The following ANO8 variants were observed in gnomAD, a reference collection of about 807,000 sequenced individuals.
ANO8 encodes anoctamin 8, also known as anoctamin-8.
A neutral mutation model predicts 120.4 loss-of-function variants in ANO8; 67 were observed. The ratio of observed to expected loss-of-function variants is 0.56; its 90% CI spans 0.46 to 0.68. The LOEUF (loss-of-function observed/expected upper bound fraction) is 0.68, where lower values mean the gene tolerates loss of function less well. ANO8 is among the 30% of genes least tolerant of loss of function. ANO8 has a pLI of 0.00. For synonymous variants in ANO8, 727 were observed against 759.2 expected (o/e 0.96, Z 0.70); for missense variants, 1,526 against 1,737.6 (o/e 0.88, Z 2.16).
At chr19:17,329,004 G>C in intron 12 of ANO8, 21 bp from the exon 13 acceptor site, 1 of 1,451,956 alleles carries the variant, frequency 6.9e-7, no homozygotes. Flanking sequence ...GAAGGGGAAG[G>C]AGAGAGGCGC....
chr19:17,327,193 G>T, intron 16 of ANO8, 42 bp downstream of exon 16: 1 of 1,460,698 alleles, frequency 6.8e-7, no homozygotes, highest in Non-Finnish European at 9.3e-7. Flanking sequence ...TCCACCAGCA[G>T]CCCCACCAAT....
chr19:17,330,605 C>G, intron 8 of ANO8, 101 bp from the exon 9 acceptor site: 1 of 1,424,984 alleles, frequency 7.0e-7, no homozygotes, highest in Admixed American at 2.8e-5. Flanking sequence ...CTCCATCATG[C>G]GGAGGTGACC....
chr19:17,329,732 A>G, intron 12 of ANO8, 25 bp downstream of exon 12: 1 of 1,596,926 alleles, frequency 6.3e-7, no homozygotes, highest in East Asian at 2.3e-5. Context: ...GGCAGGGGGG[A>G]CTGCCGCTGG....
At position 17,333,621 on chromosome 19, in the gene ANO8, GT is replaced by G; in HGVS notation, c.217+68del. On this transcript the variant is annotated intron_variant, in intron 2 of 17. Transcript: ENST00000159087. The surrounding 1 kb of genome is among the most constrained non-coding windows in gnomAD (Gnocchi z 7.2). Reference sequence around the variant, plus strand: ...GGCCCAAGGCCTCCTACGTATTCCCGTTCTGGGAAGCCGAGCTCAGGAGAGC... The same window carrying G: ...GGCCCAAGGCCTCCTACGTATTCCCGTCTGGGAAGCCGAGCTCAGGAGAGC... The G allele has an allele frequency of 6.3e-7, 1 of 1,575,732 alleles. No individual in the cohort carries two copies. Among genetic ancestry groups the G allele is most frequent in the Non-Finnish European group, 8.6e-7 (1 of 1,163,424 alleles).
chr19:17,334,746 C>G lies in ANO8; in HGVS notation c.-76G>C. 1 of 1,258,558 alleles carries G rather than the reference C, an allele frequency of 7.9e-7. No individual in the cohort carries two copies. The highest frequency in any genetic ancestry group is 1.0e-6 in the Non-Finnish European group (1 of 970,232). The allele number at this position is 1,258,558 out of a possible 1,614,324, so 78.0% of individuals were successfully genotyped here. A position where few individuals can be genotyped will look rare whatever the true frequency, so the allele number is the denominator to read the frequency against. Reference sequence around the variant, plus strand: ...CCGCGGGCTCATGGGGCCGGTGCAGCCGCGGAGCGCGCGGGAGGAGGAGAC... The same window carrying G: ...CCGCGGGCTCATGGGGCCGGTGCAGGCGCGGAGCGCGCGGGAGGAGGAGAC... On this transcript the variant is annotated 5_prime_UTR_variant, in exon 1 of 18. Coordinates refer to ENST00000159087, the MANE Select transcript of ANO8 (RefSeq NM_020959.3).
In ANO8 at chr19:17,327,246, C is replaced by G. The variant is rs2074278441; in HGVS notation, c.2650G>C (p.Glu884Gln). The part of the protein sequence containing the change: ...EMAKLEYQRR[E>Q]AFKRHERQAQ... ...CCTGGCCCCCCTACCTTAAAGGCCTCGCGGCGCTGGTACTCCAGCTTGGCC... is the reference window on the plus strand; with the variant it reads ...CCTGGCCCCCCTACCTTAAAGGCCTGGCGGCGCTGGTACTCCAGCTTGGCC... Residue 884 changes from glutamate (E) to glutamine (Q), a missense_variant, in exon 16 of 18, where the codon GAG becomes CAG. By Grantham distance (29) the Glu-to-Gln change is conservative (BLOSUM62 2). Around this residue, in one of 8 missense-constraint regions of ANO8, gnomAD observed 489 missense variants for 548.6 expected, o/e 0.89. Coordinates refer to ENST00000159087, the MANE Select transcript of ANO8 (RefSeq NM_020959.3). 1 of 1,544,542 alleles carries G rather than the reference C, an allele frequency of 6.5e-7. No homozygotes were observed.
chr19:17,330,543 A>G lies in ANO8; in HGVS notation c.994-39T>C. On this transcript the variant is annotated intron_variant, in intron 8 of 17. Coordinates refer to ENST00000159087, the MANE Select transcript of ANO8 (RefSeq NM_020959.3). ...AAGACCGGGCCCAGCATGAGCTCAG[A>G]GGGGCCACCTCTGCCTTCTGCACCC... The G allele has an allele frequency of 2.0e-6, 3 of 1,478,176 alleles. No individual in the cohort carries two copies. The South Asian group carries it at 4.1e-5, about 20-fold the overall frequency. 91.6% of individuals were successfully genotyped at this position (1,478,176 alleles called of 1,614,324 possible). A position where few individuals can be genotyped will look rare whatever the true frequency, so the allele number is the denominator to read the frequency against.
intron 1 of ANO8, 129 bp downstream of exon 1, chr19:17,334,436 C>A: frequency 1.2e-6 from 1 of 861,714 alleles, no homozygotes; most frequent in Non-Finnish European, 1.7e-6. Context: ...GCCGCAGTGC[C>A]GGGAGGAGCC....
intron 12 of ANO8, 110 bp from the exon 13 acceptor site, chr19:17,329,093 C>T (rs1275785410): frequency 4.7e-6 from 4 of 854,600 alleles, no homozygotes; most frequent in African/African-American, 3.6e-5. Context: ...CCCAGACACA[C>T]GCCGAATCCG....
chr19:17,327,525 G>A lies in ANO8; in HGVS notation c.2463C>T (p.Cys821=). 6.2e-7 allele frequency: 1 copy of A among 1,613,460 alleles called. No homozygotes were observed. Among genetic ancestry groups the A allele is most frequent in the African/African-American group, 1.3e-5 (1 of 75,048 alleles). The change falls in exon 15 of 18, where the codon TGC becomes TGT. Residue 821 remains cysteine, a synonymous_variant. Transcript: ENST00000159087. ...AMGVLAIVVN[C]YLIGQCGQLQ... ...GCTGCCCGCACTGGCCGATTAAGTA[G>A]CAGTTGACCACAATCGCTAGGACAC...
At position 17,327,841 on chromosome 19, in the gene ANO8, C is replaced by A. The variant is rs2074283376; in HGVS notation, c.2266G>T (p.Gly756Cys). ...GCGGACGAGAAGAGCACAACGTAGCCGAACTGCACGAACATCTCCTGGTAG... is the reference window on the plus strand; with the variant it reads ...GCGGACGAGAAGAGCACAACGTAGCAGAACTGCACGAACATCTCCTGGTAG... ...QDYQEMFVQF[G>C]YVVLFSSAFP... is the part of the protein sequence containing the mutation. Residue 756 changes from glycine (G) to cysteine (C), a missense_variant, in exon 14 of 18, where the codon GGC becomes TGC. Physicochemically the swap from Gly to Cys is radical, Grantham distance 159. This residue lies in a region of ANO8 where 77 missense variants were observed against 131.5 expected (regional missense o/e 0.59). Transcript: ENST00000159087. The A allele has an allele frequency of 1.9e-6, 3 of 1,614,054 alleles. No homozygotes were observed. The highest frequency in any genetic ancestry group is 2.5e-6 in the Non-Finnish European group (3 of 1,179,996).
At chr19:17,329,869 C>T in intron 11 of ANO8, 38 bp from the exon 12 acceptor site, 1 of 1,613,490 alleles carries the variant, frequency 6.2e-7, no homozygotes, top group South Asian at 1.1e-5. Flanking sequence ...TCCTGCACCC[C>T]CACCCGACTC....
rs377317921 is a variant in ANO8 at position 17,329,827 on chromosome 19, T to A, written c.1334A>T (p.Gln445Leu). The A allele has an allele frequency of 6.2e-7, 1 of 1,613,834 alleles. No homozygotes were observed. Among genetic ancestry groups the A allele is most frequent in the Admixed American group, 1.7e-5 (1 of 59,990 alleles). The change falls in exon 12 of 18, where the codon CAG becomes CTG. Residue 445 changes from glutamine to leucine, a missense_variant. Coordinates refer to ENST00000159087, the MANE Select transcript of ANO8 (RefSeq NM_020959.3). ...GAGGCTCAGGTACGAGTTGACAAAC[T>A]GGAACTGCAGGAAGGAGGCAGGCGG... ...KHLIIKVVLF[Q>L]FVNSYLSLFY...
Position 17,330,231 on chromosome 19 carries a change from C to A in ANO8, c.1167G>T (p.Lys389Asn). The change falls in exon 10 of 18, where the codon AAG becomes AAT. Residue 389 changes from lysine to asparagine, a missense_variant. Lys to Asn is a moderately conservative substitution (Grantham distance 94, BLOSUM62 0). This residue lies in a region of ANO8 where 91 missense variants were observed against 85.3 expected (regional missense o/e 1.07). Transcript: ENST00000159087. ...FQLQELVLSV[K>N]GLPRLARFLP... ...GGAATCGGGCGAGACGGGGCAACCC[C>A]TTCACGCTCAGCACCAGCTCCTGCG... 1 of 1,614,040 alleles carries A rather than the reference C, an allele frequency of 6.2e-7. No homozygotes were observed.
intron 11 of ANO8, 56 bp downstream of exon 11, chr19:17,329,903 T>C (rs1362980408): frequency 1.9e-6 from 3 of 1,613,668 alleles, no homozygotes; most frequent in Non-Finnish European, 2.5e-6. Flanking sequence ...TTGTGCCCCA[T>C]ACAGACGGCA....
In ANO8 at chr19:17,324,644, C is replaced by A. The variant is rs536879223; in HGVS notation, c.3331+73G>T. On this transcript the variant is annotated intron_variant, in intron 17 of 17. Transcript: ENST00000159087. Reference sequence around the variant, plus strand: ...TTCCCCTGTCCCCTTCAGCCCCTCTCCCCAGGCCTGGCCACCCTACCCTAT... The same window carrying A: ...TTCCCCTGTCCCCTTCAGCCCCTCTACCCAGGCCTGGCCACCCTACCCTAT... The A allele has an allele frequency of 3.9e-4, 586 of 1,506,716 alleles. 2 individuals carry two copies. In the East Asian group the frequency reaches 0.011, roughly 27 times the overall value. The allele number at this position is 1,506,716 out of a possible 1,614,324, so 93.3% of individuals were successfully genotyped here.
Position 17,324,776 on chromosome 19 carries a change from G to A in ANO8, c.3272C>T (p.Pro1091Leu), listed in dbSNP as rs772805855. 2.6e-5 allele frequency: 41 copies of A among 1,561,760 alleles called. 1 individual carries two copies. The South Asian group carries it at 3.9e-4, about 15-fold the overall frequency. Residue 1091 changes from proline to leucine, a missense_variant, in exon 17 of 18, where the codon CCG becomes CTG. Pro to Leu is a moderately conservative substitution (Grantham distance 98). This residue lies in a region of ANO8 where 489 missense variants were observed against 548.6 expected (regional missense o/e 0.89). Transcript: ENST00000159087. ...CTCCTCAGCCAGGGCCTCGTCCACC[G>A]GCCCACTCCTCTGAACCCGGCTGCT... is the stretch of plus-strand genomic sequence containing the variant. ...SGSSRVQRSG[P>L]VDEALAEELE...
rs2074250292 is a variant in ANO8, at chr19:17,323,343, GTTTTC to G, written c.*169_*173del. ...TGTGTGTGTGTGTGTGTGTGTGTGT[GTTTTC>G]TGTTGGATTTGTGGGTTTCCTTTCG... On this transcript the variant is annotated 3_prime_UTR_variant, in exon 18 of 18. Coordinates refer to ENST00000159087, the MANE Select transcript of ANO8 (RefSeq NM_020959.3). 2.3e-5 allele frequency: 9 copies of G among 394,392 alleles called. No individual in the cohort carries two copies. Among genetic ancestry groups the G allele is most frequent in the South Asian group, 2.3e-4 (2 of 8,656 alleles). The allele number at this position is 394,392 out of a possible 1,614,324, so 24.4% of individuals were successfully genotyped here. A position where few individuals can be genotyped will look rare whatever the true frequency, so the allele number is the denominator to read the frequency against.
chr19:17,323,849 G>T lies in ANO8; in HGVS notation c.3367C>A (p.Arg1123Ser). Reference protein sequence around the residue: ...ALAPVGAPALRTRRSRSPAPP... With the variant: ...ALAPVGAPALSTRRSRSPAPP... The stretch of plus-strand genomic sequence containing the variant: ...GCGGGGCTCCGGCTGCGGCGGGTGC[G>T]GAGGGCAGGGGCGCCCACGGGGGCC... Residue 1123 changes from arginine (R) to serine (S), a missense_variant, in exon 18 of 18, where the codon CGC (arginine) becomes AGC (serine). By Grantham distance (110) the Arg-to-Ser change is moderately radical. Coordinates refer to ENST00000159087, the MANE Select transcript of ANO8 (RefSeq NM_020959.3). 4 of 1,124,848 alleles carry T rather than the reference G, an allele frequency of 3.6e-6. No individual in the cohort carries two copies. The highest frequency in any genetic ancestry group is 4.4e-6 in the Non-Finnish European group (4 of 919,246). 69.7% of individuals were successfully genotyped at this position (1,124,848 alleles called of 1,614,324 possible). A position where few individuals can be genotyped will look rare whatever the true frequency, so the allele number is the denominator to read the frequency against.
Sources: allele counts gnomAD v4.1 joint callset, GRCh38; gene constraint gnomAD v4.1.1; regional missense constraint gnomAD v4.1.1; non-coding constraint Gnocchi (gnomAD v3.1); transcripts MANE v1.5; gene names NCBI Gene and HGNC (gene_info 2026-07-23, HGNC 2026-07-21).